CNTN6: variants seen among roughly 807,000 people sequenced by gnomAD.
The protein encoded by CNTN6 is contactin 6, also known as contactin-6.
CNTN6 carries 137 observed loss-of-function variants against 122.8 expected under a neutral mutation model. The ratio of observed to expected loss-of-function variants is 1.12; its 90% CI spans 0.97 to 1.29. CNTN6 has a LOEUF of 1.29. Ranked by LOEUF, CNTN6 falls within the 50% of genes most tolerant of loss-of-function variation. CNTN6 has a pLI of 0.00. For missense variants in CNTN6, 1,634 were observed against 1,223.4 expected (o/e 1.34, Z -5.01); for synonymous variants, 570 against 426.0 (o/e 1.34, Z -4.16).
At chr3:1,293,075 C>G (rs746065325) in intron 5 of CNTN6, among the ~76,000 whole-genome samples, 5 of 152,126 alleles carry the variant, frequency 3.3e-5, no homozygotes, top group Non-Finnish European at 7.4e-5. Flanking sequence ...CTGGTCTCAT[C>G]TTTACTTTAT....
intron 12 of CNTN6, among the ~76,000 whole-genome samples, chr3:1,354,291 A>G (rs558117981): frequency 2.6e-4 from 40 of 151,188 alleles, no homozygotes; most frequent in African/African-American, 8.9e-4. Flanking sequence ...CAAGTATTCC[A>G]TAAATCTAAC....
At chr3:1,400,600 A>G (rs977787080) in intron 20 of CNTN6, among the ~76,000 whole-genome samples, 9 of 152,096 alleles carry the variant, frequency 5.9e-5, no homozygotes, top group African/African-American at 2.2e-4. Context: ...CAAAAGCTCC[A>G]TTTATTTTAA....
At chr3:1,389,979 C>T (rs1414544325) in intron 20 of CNTN6, among the ~76,000 whole-genome samples, 1 of 151,102 alleles carries the variant, frequency 6.6e-6, no homozygotes, top group Non-Finnish European at 1.5e-5. Flanking sequence ...TAACAACCCA[C>T]TGTCAACATT....
intron 2 of CNTN6, among the ~76,000 whole-genome samples, chr3:1,183,968 CCTAGCTGG>C (rs1333329858): frequency 1.3e-5 from 2 of 152,164 alleles, no homozygotes; most frequent in Non-Finnish European, 2.9e-5. Flanking sequence ...GGCCTCCATT[CCTAGCTGG>C]CTAGCGGCTG....
At chr3:1,179,795 G>A (rs1479655506) in intron 2 of CNTN6, among the ~76,000 whole-genome samples, 3 of 152,096 alleles carry the variant, frequency 2.0e-5, no homozygotes, top group Non-Finnish European at 2.9e-5. Flanking sequence ...CCCAAGGAAA[G>A]AGCCTATTCT....
At chr3:1,269,859 T>A (rs182211897) in intron 4 of CNTN6, among the ~76,000 whole-genome samples, 83 of 152,306 alleles carry the variant, frequency 5.4e-4, no homozygotes, top group Non-Finnish European at 9.8e-4. Context: ...ACAACGCATT[T>A]TTTTCTCTAC....
intron 4 of CNTN6, among the ~76,000 whole-genome samples, chr3:1,269,888 G>A (rs572846499): frequency 2.6e-5 from 4 of 151,900 alleles, no homozygotes; most frequent in East Asian, 3.9e-4. Context: ...AAATTTTTAC[G>A]AAAATTCTTT....
At chr3:1,267,467 G>T (rs1159055149) in intron 4 of CNTN6, among the ~76,000 whole-genome samples, 1 of 152,102 alleles carries the variant, frequency 6.6e-6, no homozygotes, top group Non-Finnish European at 1.5e-5. Flanking sequence ...TTCAGGAATT[G>T]GGAAGGTCTC....
chr3:1,155,936 C>G (rs1457390200), intron 2 of CNTN6, among the ~76,000 whole-genome samples: 2 of 152,230 alleles, frequency 1.3e-5, no homozygotes, highest in East Asian at 1.9e-4. Context: ...TGTCATTACT[C>G]TATGTCAAGA....
At chr3:1,128,339 T>C (rs926383338) in intron 1 of CNTN6, 1 of 151,900 alleles carries the variant, frequency 6.6e-6, no homozygotes, top group Non-Finnish European at 1.5e-5. Context: ...CAAGAGGGAG[T>C]GAAGCCTCAT....
chr3:1,278,858 T>G (rs1221583301), intron 5 of CNTN6, among the ~76,000 whole-genome samples: 1 of 152,180 alleles, frequency 6.6e-6, no homozygotes, highest in Non-Finnish European at 1.5e-5. Flanking sequence ...GAGGCTTGGT[T>G]TTCTCATCTA....
At chr3:1,132,324 T>C (rs1409628366) in intron 1 of CNTN6, among the ~76,000 whole-genome samples, 1 of 152,134 alleles carries the variant, frequency 6.6e-6, no homozygotes, top group Non-Finnish European at 1.5e-5. Context: ...TTTATGCCAT[T>C]GGACTTTACG....
intron 5 of CNTN6, among the ~76,000 whole-genome samples, chr3:1,280,514 G>GAGTGC (rs1235665625): frequency 5.2e-5 from 6 of 115,868 alleles, no homozygotes; most frequent in Non-Finnish European, 8.3e-5. Context: ...TCCCAGGCTG[G>GAGTGC]AGTGCAGTGG....
intron 3 of CNTN6, among the ~76,000 whole-genome samples, chr3:1,226,996 T>C (rs2094293272): frequency 6.6e-6 from 1 of 152,100 alleles, no homozygotes; most frequent in African/African-American, 2.4e-5. Flanking sequence ...TTTGATGGAG[T>C]TGGGAGTTTC....
At chr3:1,380,559 T>C (rs1691710850) in intron 17 of CNTN6, among the ~76,000 whole-genome samples, 1 of 152,174 alleles carries the variant, frequency 6.6e-6, no homozygotes, top group African/African-American at 2.4e-5. Flanking sequence ...TAAAGCACTA[T>C]AGAGTAAGAG....
chr3:1,099,341 C>G (rs2090743244), intron 1 of CNTN6, among the ~76,000 whole-genome samples: 1 of 151,772 alleles, frequency 6.6e-6, no homozygotes, highest in Non-Finnish European at 1.5e-5. Flanking sequence ...GTCCCAGCTA[C>G]TGGGGAGGCT....
intron 1 of CNTN6, among the ~76,000 whole-genome samples, chr3:1,125,570 C>G (rs2092131048): frequency 1.3e-5 from 2 of 151,742 alleles, no homozygotes; most frequent in Non-Finnish European, 2.9e-5. Flanking sequence ...AAAATGACTA[C>G]TAACCAGCCA....
intron 2 of CNTN6, among the ~76,000 whole-genome samples, chr3:1,209,258 A>G (rs17494271): frequency 0.023 from 3,567 of 152,332 alleles, 52 homozygotes; most frequent in Middle Eastern, 0.037. Flanking sequence ...TGTGTATACC[A>G]TTAGTTCATT....
intron 7 of CNTN6, among the ~76,000 whole-genome samples, chr3:1,302,385 T>A (rs1372452276): frequency 1.3e-5 from 2 of 152,120 alleles, no homozygotes; most frequent in Non-Finnish European, 2.9e-5. Flanking sequence ...AGGAATAAAA[T>A]CAAATATTTT....
Sources: allele counts gnomAD v4.1 joint callset (sites outside exome capture counted in the v4.1 genomes callset), GRCh38; gene constraint gnomAD v4.1.1; transcripts MANE v1.5; gene names NCBI Gene and HGNC (gene_info 2026-07-23, HGNC 2026-07-21).